SCFD2: variants seen among roughly 807,000 people sequenced by gnomAD.
SCFD2 encodes the protein sec1 family domain-containing protein 2.
Under a neutral mutation model 58.9 loss-of-function variants are expected in SCFD2, and 54 were observed. The ratio of observed to expected loss-of-function variants is 0.92; its 90% CI spans 0.74 to 1.15. The LOEUF is 1.15. SCFD2 is among the 50% of genes most tolerant of loss of function. The pLI, the probability that SCFD2 is intolerant of heterozygous loss-of-function variation, is 0.00. For synonymous variants in SCFD2, 321 were observed against 335.9 expected (o/e 0.96, Z 0.49); for missense variants, 805 against 836.6 (o/e 0.96, Z 0.47).
chr4:53,342,526 A>T (rs1733913893), intron 2 of SCFD2, among the ~76,000 whole-genome samples: 1 of 152,236 alleles, frequency 6.6e-6, no homozygotes, highest in Admixed American at 6.5e-5. Context: ...TTAACACCCC[A>T]TTGTCAACAT....
chr4:52,980,053 C>T (rs1721341753), intron 5 of SCFD2, among the ~76,000 whole-genome samples: 1 of 152,190 alleles, frequency 6.6e-6, no homozygotes, highest in South Asian at 2.1e-4. Flanking sequence ...AATGGTGCCC[C>T]TTGGGGTTGG....
intron 5 of SCFD2, among the ~76,000 whole-genome samples, chr4:53,069,772 T>G (rs1487861494): frequency 6.6e-6 from 1 of 152,046 alleles, no homozygotes; most frequent in Non-Finnish European, 1.5e-5. Context: ...CCAAAATAGC[T>G]GCTACTATTC....
chr4:52,876,576 C>A (rs1718479206), intron 8 of SCFD2, among the ~76,000 whole-genome samples: 1 of 151,594 alleles, frequency 6.6e-6, no homozygotes, highest in African/African-American at 2.4e-5. Flanking sequence ...ATGGTGAAAC[C>A]CCATCTCTAC....
chr4:53,175,195 A>G (rs1011514073), intron 4 of SCFD2, among the ~76,000 whole-genome samples: 5 of 152,226 alleles, frequency 3.3e-5, no homozygotes, highest in African/African-American at 1.2e-4. Context: ...ACTTCTCTAA[A>G]TTAAAAAGCA....
At chr4:53,283,750 T>C (rs1731576107) in intron 3 of SCFD2, among the ~76,000 whole-genome samples, 1 of 151,900 alleles carries the variant, frequency 6.6e-6, no homozygotes, top group South Asian at 2.1e-4. Context: ...TGTATTTTTT[T>C]TCTTTTAGTA....
chr4:53,052,978 T>C (rs967041019), intron 5 of SCFD2, among the ~76,000 whole-genome samples: 32 of 152,112 alleles, frequency 2.1e-4, no homozygotes, highest in Non-Finnish European at 3.5e-4. Context: ...TCCCAGCACA[T>C]TGGGAGGCCG....
intron 5 of SCFD2, among the ~76,000 whole-genome samples, chr4:52,941,750 G>A (rs539315937): frequency 6.6e-6 from 1 of 152,338 alleles, no homozygotes. Flanking sequence ...GTGGGCACAA[G>A]TTACCCACTG....
intron 5 of SCFD2, among the ~76,000 whole-genome samples, chr4:53,001,431 T>C (rs1305666011): frequency 6.6e-6 from 1 of 152,210 alleles, no homozygotes; most frequent in Non-Finnish European, 1.5e-5. Flanking sequence ...TTTGTTTATT[T>C]GGCTTGATTA....
chr4:53,283,290 A>G (rs1413241906), intron 3 of SCFD2, among the ~76,000 whole-genome samples: 2 of 152,110 alleles, frequency 1.3e-5, no homozygotes, highest in Non-Finnish European at 2.9e-5. Flanking sequence ...TTGTTCCAAA[A>G]TCTCATTTTT....
chr4:52,922,988 T>C (rs959549856), intron 5 of SCFD2, among the ~76,000 whole-genome samples: 5 of 152,182 alleles, frequency 3.3e-5, no homozygotes, highest in Non-Finnish European at 7.3e-5. Flanking sequence ...TAAACTAAAA[T>C]GGAATGAATC....
intron 5 of SCFD2, among the ~76,000 whole-genome samples, chr4:52,973,580 T>C (rs948315137): frequency 1.3e-5 from 2 of 152,232 alleles, no homozygotes; most frequent in Non-Finnish European, 1.5e-5. Flanking sequence ...AGTTGAATTC[T>C]ACCAGAGGTA....
chr4:53,114,565 G>A (rs1001811542), intron 5 of SCFD2, among the ~76,000 whole-genome samples: 1 of 152,106 alleles, frequency 6.6e-6, no homozygotes, highest in African/African-American at 2.4e-5. Flanking sequence ...ACCTCTTGGA[G>A]TCCAGAAGGA....
rs1211629036 is a variant in SCFD2, at chr4:52,873,267, A to T, written c.*702T>A. ...ATCTTGTACTGGAGTCTTTCTTTGG[A>T]GGGGAGAAAACCTTTTATATACAGA... On this transcript the variant is annotated 3_prime_UTR_variant, in exon 9 of 9. Coordinates refer to ENST00000401642, the MANE Select transcript of SCFD2 (RefSeq NM_152540.4). 6.6e-6 allele frequency: 1 copy of T among 152,208 alleles called. No individual in the cohort carries two copies. Among genetic ancestry groups the T allele is most frequent in the Non-Finnish European group, 1.5e-5 (1 of 68,038 alleles). 9.4% of individuals were successfully genotyped at this position (152,208 alleles called of 1,614,324 possible).
chr4:52,943,766 A>G (rs1424212047), intron 5 of SCFD2, among the ~76,000 whole-genome samples: 1 of 152,140 alleles, frequency 6.6e-6, no homozygotes, highest in Non-Finnish European at 1.5e-5. Flanking sequence ...CTAGCATATT[A>G]GGCTGACATG....
intron 2 of SCFD2, among the ~76,000 whole-genome samples, chr4:53,328,814 T>C (rs1442786028): frequency 6.6e-6 from 1 of 152,248 alleles, no homozygotes; most frequent in African/African-American, 2.4e-5. Flanking sequence ...AGGTGATTTC[T>C]GCATTTCCAT....
At chr4:53,290,451 T>C (rs1731803018) in intron 3 of SCFD2, among the ~76,000 whole-genome samples, 2 of 152,282 alleles carry the variant, frequency 1.3e-5, no homozygotes, top group South Asian at 4.1e-4. Flanking sequence ...AAATGTATCT[T>C]ACCCTATAGG....
chr4:53,160,127 A>T (rs569076336), intron 4 of SCFD2, among the ~76,000 whole-genome samples: 2 of 152,360 alleles, frequency 1.3e-5, no homozygotes, highest in South Asian at 4.1e-4. Flanking sequence ...TTAGCAATGG[A>T]AACAGAAGAG....
In SCFD2 at chr4:53,301,936, T is replaced by C. The variant is rs548475296; in HGVS notation, c.1135+11700A>G. On this transcript the variant is annotated intron_variant, in intron 3 of 8. Transcript: ENST00000401642. ...CTAAAAACTCTCAATAAATTAGGTA[T>C]TGATGGGACGTATCTCAAAATAATA... Among the ~76,000 whole-genome samples, 612 of 152,294 alleles carry C rather than the reference T, an allele frequency of 4.0e-3. 5 individuals carry two copies. Among genetic ancestry groups the C allele is most frequent in the African/African-American group, 0.014 (579 of 41,554 alleles).
At chr4:53,176,181 C>T (rs1727322406) in intron 4 of SCFD2, among the ~76,000 whole-genome samples, 1 of 152,120 alleles carries the variant, frequency 6.6e-6, no homozygotes, top group Non-Finnish European at 1.5e-5. Context: ...ACAGTCAAAC[C>T]AGATACATTA....
Sources: allele counts gnomAD v4.1 joint callset (sites outside exome capture counted in the v4.1 genomes callset), GRCh38; gene constraint gnomAD v4.1.1; transcripts MANE v1.5; gene names NCBI Gene and HGNC (gene_info 2026-07-23, HGNC 2026-07-21).